DLGAP2: variants seen among roughly 807,000 people sequenced by gnomAD.
The protein encoded by DLGAP2 is DLG associated protein 2.
A neutral mutation model predicts 100.3 loss-of-function variants in DLGAP2; 26 were observed. The observed-to-expected ratio is 0.26, with a 90% CI of 0.19 to 0.36. DLGAP2 has a LOEUF of 0.36. DLGAP2 is among the 10% of genes least tolerant of loss of function. The pLI is 1.00. For missense variants in DLGAP2, 1,858 were observed against 1,453.2 expected (o/e 1.28, Z -4.53); for synonymous variants, 886 against 630.1 (o/e 1.41, Z -6.08).
intron 3 of DLGAP2, among the ~76,000 whole-genome samples, chr8:1,381,823 G>GTGTC (rs1796102988): frequency 7.1e-6 from 1 of 140,376 alleles, no homozygotes; most frequent in East Asian, 2.2e-4. Flanking sequence ...GTGTGTGTGT[G>GTGTC]TTTGTATCAC....
chr8:1,584,378 A>T (rs185344445), intron 6 of DLGAP2, among the ~76,000 whole-genome samples: 1 of 152,354 alleles, frequency 6.6e-6, no homozygotes, highest in East Asian at 1.9e-4. Context: ...AGCAGACGCC[A>T]GACTCCTCGT....
intron 2 of DLGAP2, among the ~76,000 whole-genome samples, chr8:985,824 G>A (rs1000383895): frequency 1.1e-4 from 16 of 152,192 alleles, no homozygotes; most frequent in Non-Finnish European, 1.9e-4. Context: ...TTCATTAGCA[G>A]CAAGGACCAC....
At chr8:1,048,188 G>A (rs1435531738) in intron 2 of DLGAP2, among the ~76,000 whole-genome samples, 2 of 152,166 alleles carry the variant, frequency 1.3e-5, no homozygotes, top group African/African-American at 2.4e-5. Flanking sequence ...TGCAGTGTGA[G>A]ACATCTATGA....
intron 6 of DLGAP2, 73 bp downstream of exon 6, chr8:1,565,967 T>C: frequency 7.4e-7 from 1 of 1,343,838 alleles, no homozygotes; most frequent in South Asian, 1.5e-5. Flanking sequence ...CAAAACCACT[T>C]CACCGTGAGC....
Position 1,451,147 on chromosome 8 carries a change from C to G in DLGAP2, c.107-50219C>G, listed in dbSNP as rs73534611. On this transcript the variant is annotated intron_variant, in intron 3 of 14. Transcript: ENST00000637795. ...TGGGTGGGACTGGAGTCACACCTTT[C>G]CAGCATGTTCCGCCGCTGCCAGTGC... 2.7e-3 allele frequency among the ~76,000 whole-genome samples: 416 copies of G among 152,226 alleles called. 4 individuals carry two copies. Among genetic ancestry groups the G allele is most frequent in the African/African-American group, 9.5e-3 (395 of 41,534 alleles).
At position 1,350,462 on chromosome 8, in the gene DLGAP2, T is replaced by C. The variant is rs538697171; in HGVS notation, c.106+91579T>C. ...AGTGTGCGTGGAAAGGCCGTGCGGG[T>C]CCTGACTGTGCGTGGAAAGGCCGCG... On this transcript the variant is annotated intron_variant, in intron 3 of 14. Transcript: ENST00000637795. 6.2e-4 allele frequency among the ~76,000 whole-genome samples: 57 copies of C among 91,612 alleles called. 1 individual carries two copies. Among genetic ancestry groups the C allele is most frequent in the African/African-American group, 2.5e-3 (54 of 21,618 alleles). The allele number at this position is 91,612 out of a possible 152,430, so 60.1% of individuals were successfully genotyped here.
intron 3 of DLGAP2, among the ~76,000 whole-genome samples, chr8:1,265,652 C>T (rs541444029): frequency 6.6e-6 from 1 of 152,180 alleles, no homozygotes; most frequent in Admixed American, 6.5e-5. Flanking sequence ...CCCATGCCTT[C>T]TAAAGTGAAA....
chr8:1,279,067 G>A (rs1322106019), intron 3 of DLGAP2, among the ~76,000 whole-genome samples: 1 of 152,198 alleles, frequency 6.6e-6, no homozygotes, highest in Non-Finnish European at 1.5e-5. Context: ...TGCTTTAACT[G>A]CAGAATTTTA....
chr8:1,075,562 C>G (rs1428273868), intron 2 of DLGAP2, among the ~76,000 whole-genome samples: 1 of 152,174 alleles, frequency 6.6e-6, no homozygotes. Flanking sequence ...ACCAAAAGCT[C>G]TGCACACAAG....
intron 8 of DLGAP2, among the ~76,000 whole-genome samples, chr8:1,654,556 G>A (rs1798239628): frequency 6.6e-6 from 1 of 151,824 alleles, no homozygotes. Context: ...AGCTACTCGG[G>A]AGACTGAGGC....
chr8:1,123,514 G>T (rs1796096358), intron 2 of DLGAP2, among the ~76,000 whole-genome samples: 1 of 152,086 alleles, frequency 6.6e-6, no homozygotes, highest in Non-Finnish European at 1.5e-5. Context: ...TGTTAGCTTT[G>T]GAGACTCTAA....
At chr8:1,202,182 G>A (rs1048032275) in intron 2 of DLGAP2, among the ~76,000 whole-genome samples, 27 of 152,064 alleles carry the variant, frequency 1.8e-4, no homozygotes, top group African/African-American at 3.1e-4. Flanking sequence ...ATCTGTGTGC[G>A]TGTGGTGTGA....
chr8:1,617,620 T>G (rs776336185), intron 6 of DLGAP2, among the ~76,000 whole-genome samples: 3 of 152,236 alleles, frequency 2.0e-5, no homozygotes, highest in African/African-American at 4.8e-5. Flanking sequence ...TAGACCTTTG[T>G]TGGATGCATA....
chr8:1,520,309 G>T (rs761393061), intron 4 of DLGAP2, among the ~76,000 whole-genome samples: 1 of 152,174 alleles, frequency 6.6e-6, no homozygotes. Context: ...CGATGCAATC[G>T]GGGAACCCAG....
chr8:1,549,573 C>T lies in DLGAP2; in HGVS notation c.1120C>T (p.Leu374=). ...CCTGAAGCGCAGCTCCTGGTCTACG[C>T]TGACGGTCAGCCAGGCCAAGGAGGC... is the stretch of plus-strand genomic sequence containing the variant. ...KYLKRSSWST[L]TVSQAKEAYR... The change falls in exon 5 of 15, where the codon CTG becomes TTG. Residue 374 remains leucine, a synonymous_variant. Coordinates refer to ENST00000637795, the MANE Select transcript of DLGAP2 (RefSeq NM_001346810.2). The T allele has an allele frequency of 6.2e-7, 1 of 1,612,798 alleles. No individual in the cohort carries two copies. The highest frequency in any genetic ancestry group is 8.5e-7 in the Non-Finnish European group (1 of 1,179,758).
chr8:1,471,519 GCCCTC>G (rs575320849), intron 3 of DLGAP2, among the ~76,000 whole-genome samples: 91 of 148,172 alleles, frequency 6.1e-4, no homozygotes, highest in African/African-American at 2.2e-3. Context: ...CCTCTGCGAT[GCCCTC>G]CCCTCCCCTC....
chr8:1,206,958 C>G (rs776558520), intron 2 of DLGAP2, among the ~76,000 whole-genome samples: 1 of 152,164 alleles, frequency 6.6e-6, no homozygotes, highest in Non-Finnish European at 1.5e-5. Flanking sequence ...GAGTGGACAC[C>G]GTCTCGGTGA....
chr8:1,464,333 G>A lies in DLGAP2; in HGVS notation c.107-37033G>A, dbSNP rs1207308555. 9.6e-4 allele frequency among the ~76,000 whole-genome samples: 37 copies of A among 38,532 alleles called. 6 individuals carry two copies. Among genetic ancestry groups the A allele is most frequent in the East Asian group, 6.6e-3 (2 of 302 alleles). The allele number at this position is 38,532 out of a possible 152,430, so 25.3% of individuals were successfully genotyped here. On this transcript the variant is annotated intron_variant, in intron 3 of 14. Transcript: ENST00000637795. Reference sequence around the variant, plus strand: ...TCCAGGACAACGCCCTTCCAGGACGGCACCCTTCCAGGACGGCACCCTTCC... The same window carrying A: ...TCCAGGACAACGCCCTTCCAGGACGACACCCTTCCAGGACGGCACCCTTCC...
chr8:1,414,175 A>T (rs112670635), intron 3 of DLGAP2, among the ~76,000 whole-genome samples: 1,775 of 152,244 alleles, frequency 0.012, 16 homozygotes, highest in South Asian at 0.018. Context: ...GTTGAGAGAA[A>T]CTGACTTATA....
Sources: allele counts gnomAD v4.1 joint callset (sites outside exome capture counted in the v4.1 genomes callset), GRCh38; gene constraint gnomAD v4.1.1; transcripts MANE v1.5; gene names NCBI Gene and HGNC (gene_info 2026-07-23, HGNC 2026-07-21).